Variants in KCNQ5 observed in about 807,000 individuals in gnomAD.
KCNQ5 encodes the protein potassium voltage-gated channel subfamily KQT member 5.
Under a neutral mutation model 98.2 loss-of-function variants are expected in KCNQ5, and 30 were observed. That is an observed-to-expected ratio of 0.31 (90% CI 0.23 to 0.41). The LOEUF (loss-of-function observed/expected upper bound fraction) is 0.41, where lower values mean the gene tolerates loss of function less well. Ranked by LOEUF, KCNQ5 falls within the 10% of genes least tolerant of loss-of-function variation. The pLI is 1.00. For synonymous variants in KCNQ5, 458 were observed against 449.4 expected, an observed-to-expected ratio of 1.02 and a Z score of -0.24; for missense variants, 835 against 1,182.5, an observed-to-expected ratio of 0.71 and a Z score of 4.31.
intron 11 of KCNQ5, 25 bp downstream of exon 11, chr6:73,169,879 G>A (rs1260595496): frequency 7.2e-7 from 1 of 1,385,700 alleles, no homozygotes; most frequent in South Asian, 1.2e-5. Context: ...TGAACAACGT[G>A]ATTCAGAGAC....
At chr6:72,695,641 G>A (rs968760721) in intron 1 of KCNQ5, among the ~76,000 whole-genome samples, 22 of 152,034 alleles carry the variant, frequency 1.4e-4, no homozygotes, top group Admixed American at 9.8e-4. Context: ...ATAATATTAC[G>A]TATATTGGAT....
chr6:72,658,718 T>A (rs1766347183), intron 1 of KCNQ5, among the ~76,000 whole-genome samples: 2 of 151,456 alleles, frequency 1.3e-5, no homozygotes, highest in Non-Finnish European at 2.9e-5. Context: ...GTAGCTGGGA[T>A]TATAGGCATG....
chr6:72,701,262 A>G (rs1309695516), intron 1 of KCNQ5, among the ~76,000 whole-genome samples: 1 of 152,206 alleles, frequency 6.6e-6, no homozygotes, highest in Non-Finnish European at 1.5e-5. Flanking sequence ...GTTTTACTGT[A>G]GTTGTGCAGC....
chr6:72,765,504 C>A (rs1050416366), intron 1 of KCNQ5, among the ~76,000 whole-genome samples: 1 of 151,928 alleles, frequency 6.6e-6, no homozygotes, highest in African/African-American at 2.4e-5. Flanking sequence ...CAAAAATAAG[C>A]CAACACTTTG....
At chr6:73,157,428 C>G (rs953329531) in intron 10 of KCNQ5, 1 of 646,564 alleles carries the variant, frequency 1.5e-6, no homozygotes, top group Non-Finnish European at 2.8e-6. Flanking sequence ...ACAGGCCGCC[C>G]GGGGGCGGGG....
At chr6:72,823,652 G>A (rs1775858751) in intron 1 of KCNQ5, among the ~76,000 whole-genome samples, 1 of 152,128 alleles carries the variant, frequency 6.6e-6, no homozygotes, top group African/African-American at 2.4e-5. Context: ...CCTGACCCAG[G>A]CCTTTCTGAG....
chr6:73,112,349 TG>T (rs1409208259), intron 7 of KCNQ5, among the ~76,000 whole-genome samples: 4 of 150,882 alleles, frequency 2.7e-5, no homozygotes, highest in Non-Finnish European at 4.4e-5. Flanking sequence ...TTGTTTGTTT[TG>T]TTTTTTTTTT....
intron 10 of KCNQ5, among the ~76,000 whole-genome samples, chr6:73,139,257 C>T (rs1776609496): frequency 1.3e-5 from 2 of 152,204 alleles, no homozygotes; most frequent in African/African-American, 2.4e-5. Flanking sequence ...ATGCCTAAAA[C>T]AATCACCAGC....
intron 1 of KCNQ5, among the ~76,000 whole-genome samples, chr6:72,624,548 G>A (rs1456805283): frequency 6.6e-6 from 1 of 152,152 alleles, no homozygotes; most frequent in Non-Finnish European, 1.5e-5. Flanking sequence ...TAACAGGTTT[G>A]TATGGGCTTA....
chr6:72,781,367 A>C (rs896099922), intron 1 of KCNQ5, among the ~76,000 whole-genome samples: 1 of 152,304 alleles, frequency 6.6e-6, no homozygotes. Context: ...TAATTGTGAG[A>C]GAATAGATTT....
rs188014788 is a variant in KCNQ5, at chr6:72,825,508, G to C, written c.399-178400G>C. Among the ~76,000 whole-genome samples, 86 of 152,324 alleles carry C rather than the reference G, an allele frequency of 5.6e-4. No individual in the cohort carries two copies. In the East Asian group the frequency reaches 7.1e-3, roughly 13 times the overall value. On this transcript the variant is annotated intron_variant, in intron 1 of 13. Coordinates refer to ENST00000370398, the MANE Select transcript of KCNQ5 (RefSeq NM_019842.4). ...GAGTGCAGACTGGAACTGGGAACAGGAACAGTTAGCTGGTGGTCCACAGGG... is the reference window on the plus strand; with the variant it reads ...GAGTGCAGACTGGAACTGGGAACAGCAACAGTTAGCTGGTGGTCCACAGGG...
chr6:73,015,683 A>T (rs1320269736), intron 2 of KCNQ5, among the ~76,000 whole-genome samples: 1 of 152,178 alleles, frequency 6.6e-6, no homozygotes, highest in South Asian at 2.1e-4. Flanking sequence ...TTTAGCTCTT[A>T]TGCCCTTTTG....
chr6:72,933,183 A>C (rs943348654), intron 1 of KCNQ5, among the ~76,000 whole-genome samples: 7 of 152,234 alleles, frequency 4.6e-5, no homozygotes, highest in African/African-American at 1.7e-4. Context: ...GATTAAAAAA[A>C]TTCTGGACAG....
chr6:73,017,666 A>G (rs756183055), intron 2 of KCNQ5, among the ~76,000 whole-genome samples: 3 of 152,212 alleles, frequency 2.0e-5, no homozygotes, highest in African/African-American at 4.8e-5. Flanking sequence ...CTCCAGGGCT[A>G]TAAATCACAA....
intron 1 of KCNQ5, among the ~76,000 whole-genome samples, chr6:72,793,040 A>C (rs1224712515): frequency 6.6e-6 from 1 of 152,184 alleles, no homozygotes; most frequent in Non-Finnish European, 1.5e-5. Flanking sequence ...ACAACGTCTG[A>C]GCAGGCATTA....
intron 11 of KCNQ5, among the ~76,000 whole-genome samples, chr6:73,184,334 T>C (rs1285266416): frequency 2.0e-5 from 3 of 152,234 alleles, no homozygotes; most frequent in African/African-American, 7.2e-5. Context: ...TCCTAACTAT[T>C]GAATGAGTGA....
chr6:73,117,271 A>G (rs1775542767), intron 7 of KCNQ5, among the ~76,000 whole-genome samples: 1 of 152,372 alleles, frequency 6.6e-6, no homozygotes, highest in Middle Eastern at 3.4e-3. Context: ...AGACCTAAGA[A>G]CAAAATAAAG....
intron 1 of KCNQ5, among the ~76,000 whole-genome samples, chr6:72,980,260 C>T (rs1193237370): frequency 6.6e-6 from 1 of 152,098 alleles, no homozygotes; most frequent in Non-Finnish European, 1.5e-5. Flanking sequence ...CTATAAATTA[C>T]CTTGGGCGGT....
intron 1 of KCNQ5, among the ~76,000 whole-genome samples, chr6:72,698,370 A>G (rs1348894311): frequency 6.6e-6 from 1 of 151,734 alleles, no homozygotes; most frequent in African/African-American, 2.4e-5. Flanking sequence ...CGCCTGGCTA[A>G]TTTTGTGTTT....
Sources: gnomAD v4.1 joint callset for allele counts (sites outside exome capture counted in the v4.1 genomes callset) on GRCh38, gnomAD v4.1.1 for gene constraint, MANE v1.5 for transcripts, NCBI Gene and HGNC (gene_info 2026-07-23, HGNC 2026-07-21) for gene names.